Variants in CSMD1 observed in about 807,000 individuals in gnomAD.
CSMD1 encodes the protein CUB and Sushi multiple domains 1.
In CSMD1, 213 loss-of-function variants were observed where a neutral mutation model predicts 417.5. The ratio of observed to expected loss-of-function variants is 0.51; its 90% confidence interval spans 0.46 to 0.57. The LOEUF (loss-of-function observed/expected upper bound fraction) is 0.57. Ranked by LOEUF, CSMD1 falls within the 20% of genes least tolerant of loss-of-function variation. The probability of loss-of-function intolerance (pLI) is 0.00; values close to 1 mark genes in which losing one functional copy is unlikely to be tolerated. For missense variants in CSMD1, 6,923 were observed against 4,529.7 expected (o/e 1.53, Z -15.17); for synonymous variants, 2,862 against 1,736.8 (o/e 1.65, Z -16.11).
intron 2 of CSMD1, among the ~76,000 whole-genome samples, chr8:4,574,566 T>G (rs982004982): frequency 6.6e-6 from 1 of 152,208 alleles, no homozygotes; most frequent in Non-Finnish European, 1.5e-5. Context: ...GCTGTTCCTA[T>G]TCGGTCATCT....
intron 1 of CSMD1, among the ~76,000 whole-genome samples, chr8:4,647,578 C>A (rs752804154): frequency 6.6e-6 from 1 of 152,150 alleles, no homozygotes; most frequent in Admixed American, 6.5e-5. Context: ...CCCCCACCCC[C>A]CAATATGTCC....
chr8:4,155,635 A>C (rs1213933588), intron 3 of CSMD1, among the ~76,000 whole-genome samples: 2 of 152,154 alleles, frequency 1.3e-5, no homozygotes, highest in African/African-American at 4.8e-5. Flanking sequence ...ACTCTTGGTT[A>C]GCTGATGACA....
intron 5 of CSMD1, among the ~76,000 whole-genome samples, chr8:3,864,403 A>G (rs1804938768): frequency 1.3e-5 from 2 of 152,214 alleles, no homozygotes; most frequent in Non-Finnish European, 2.9e-5. Flanking sequence ...GCAAAGATGA[A>G]GGTGAGAAAA....
intron 8 of CSMD1, among the ~76,000 whole-genome samples, chr8:3,599,684 C>A (rs1801267335): frequency 6.6e-6 from 1 of 152,184 alleles, no homozygotes. Flanking sequence ...ACAACATCTC[C>A]ATTTTCCTTT....
At chr8:3,589,045 G>A (rs994384113) in intron 8 of CSMD1, among the ~76,000 whole-genome samples, 7 of 152,132 alleles carry the variant, frequency 4.6e-5, no homozygotes, top group African/African-American at 1.7e-4. Context: ...ACTCACACCT[G>A]TTAAGATGGC....
In CSMD1 at chr8:3,359,272, C is replaced by A; in HGVS notation, c.3184G>T (p.Gly1062Cys). 6.2e-7 allele frequency: 1 copy of A among 1,613,852 alleles called. No homozygotes were observed. The highest frequency in any genetic ancestry group is 2.2e-5 in the East Asian group (1 of 44,864). Residue 1062 changes from glycine to cysteine, a missense_variant, in exon 21 of 70, where the codon GGT becomes TGT. Coordinates refer to ENST00000635120, the MANE Select transcript of CSMD1 (RefSeq NM_033225.6). ...GAAAACGTCAGAGAGTCTCCCACAC[C>A]AAAGTGAAAACCAATTCTTCGGCTG... ...AFSRRIGFHF[G>C]VGDSLTFSCF... is the part of the protein sequence containing the mutation.
intron 2 of CSMD1, among the ~76,000 whole-genome samples, chr8:4,465,182 G>T (rs111472126): frequency 5.3e-5 from 8 of 152,170 alleles, no homozygotes; most frequent in Non-Finnish European, 1.0e-4. Context: ...AGAGGGAATA[G>T]GAAGTCCAAA....
At chr8:4,089,223 A>G (rs555619119) in intron 3 of CSMD1, among the ~76,000 whole-genome samples, 1 of 152,200 alleles carries the variant, frequency 6.6e-6, no homozygotes, top group East Asian at 1.9e-4. Context: ...TATAAGCTCC[A>G]TAAGGACATG....
In CSMD1 at chr8:4,014,669, G is replaced by C. The variant is rs1796437112; in HGVS notation, c.611-16559C>G. 2.0e-5 allele frequency among the ~76,000 whole-genome samples: 3 copies of C among 152,184 alleles called. No individual in the cohort carries two copies. The South Asian group carries it at 6.2e-4, about 31-fold the overall frequency. On this transcript the variant is annotated intron_variant, in intron 4 of 69. Transcript: ENST00000635120. Reference sequence around the variant, plus strand: ...GTCTTAGCAAGAAAAGAGCTCGTCTGAGCTGTGCCAACTTGTGATGAGGCT... The same window carrying C: ...GTCTTAGCAAGAAAAGAGCTCGTCTCAGCTGTGCCAACTTGTGATGAGGCT...
At chr8:3,179,522 T>C (rs1409043343) in intron 37 of CSMD1, among the ~76,000 whole-genome samples, 1 of 152,200 alleles carries the variant, frequency 6.6e-6, no homozygotes, top group Non-Finnish European at 1.5e-5. Context: ...AAGAGAAATG[T>C]AGATAATTAT....
At chr8:4,569,413 T>C (rs1798773819) in intron 2 of CSMD1, among the ~76,000 whole-genome samples, 1 of 152,204 alleles carries the variant, frequency 6.6e-6, no homozygotes, top group Non-Finnish European at 1.5e-5. Context: ...CCTTTCCCCA[T>C]TGCTTGTTTT....
intron 6 of CSMD1, among the ~76,000 whole-genome samples, chr8:3,710,920 A>T (rs1352268370): frequency 6.6e-6 from 1 of 152,092 alleles, no homozygotes; most frequent in Admixed American, 6.6e-5. Context: ...GGGCTGCAGG[A>T]GCTGGTCCAC....
intron 3 of CSMD1, among the ~76,000 whole-genome samples, chr8:4,076,537 T>C (rs912202640): frequency 3.9e-5 from 6 of 152,196 alleles, no homozygotes; most frequent in South Asian, 4.1e-4. Context: ...CAAAAACGAA[T>C]ACCTAAAACA....
chr8:3,142,424 G>A (rs893786483), intron 41 of CSMD1, 41 bp downstream of exon 41: 1 of 1,456,266 alleles, frequency 6.9e-7, no homozygotes. Flanking sequence ...TGTAAGAAGT[G>A]TATTTAGATT....
chr8:3,335,584 G>A (rs746844272), intron 23 of CSMD1, among the ~76,000 whole-genome samples: 8 of 152,178 alleles, frequency 5.3e-5, no homozygotes, highest in Admixed American at 1.3e-4. Context: ...GGCTGAGTCA[G>A]GAGAATCGCT....
chr8:3,211,871 C>T (rs1282951885), intron 30 of CSMD1, among the ~76,000 whole-genome samples: 1 of 152,194 alleles, frequency 6.6e-6, no homozygotes, highest in African/African-American at 2.4e-5. Flanking sequence ...CATGCACTGC[C>T]CAGGCCGCTC....
chr8:3,895,466 A>G (rs2627430), intron 5 of CSMD1, among the ~76,000 whole-genome samples: 120,351 of 152,000 alleles, frequency 0.79, 47,900 homozygotes, highest in Admixed American at 0.86. Context: ...TTAGCAGACA[A>G]AAAAGAAAAA....
At chr8:4,455,964 T>A (rs1371446860) in intron 2 of CSMD1, among the ~76,000 whole-genome samples, 149 of 21,592 alleles carry the variant, frequency 6.9e-3, no homozygotes, top group Middle Eastern at 0.033. Flanking sequence ...AAAAAAAAAA[T>A]GCAGTTAAGA....
chr8:3,705,463 G>T (rs1801113494), intron 7 of CSMD1, among the ~76,000 whole-genome samples: 1 of 152,192 alleles, frequency 6.6e-6, no homozygotes, highest in African/African-American at 2.4e-5. Context: ...AACGGGGACA[G>T]CCTCACACTC....
Sources: gnomAD v4.1 joint callset for allele counts (sites outside exome capture counted in the v4.1 genomes callset) on GRCh38, gnomAD v4.1.1 for gene constraint, MANE v1.5 for transcripts, NCBI Gene and HGNC (gene_info 2026-07-23, HGNC 2026-07-21) for gene names.